TENM2: variants seen among roughly 807,000 people sequenced by gnomAD.
TENM2 encodes the protein teneurin transmembrane protein 2.
TENM2 carries 52 observed loss-of-function variants against 245.2 expected under a neutral mutation model. The observed-to-expected ratio is 0.21, with a 90% CI of 0.17 to 0.27. TENM2 has a LOEUF of 0.27. Among genes scored for constraint, TENM2 ranks in the 10% least tolerant of loss-of-function variants. TENM2 has a pLI of 1.00. For synonymous variants in TENM2, 1,363 were observed against 1,438.9 expected (o/e 0.95, Z 1.19); for missense variants, 3,046 against 3,666.8 (o/e 0.83, Z 4.37).
At chr5:167,765,301 C>T (rs891269536) in intron 2 of TENM2, among the ~76,000 whole-genome samples, 36 of 152,104 alleles carry the variant, frequency 2.4e-4, no homozygotes, top group African/African-American at 7.5e-4. Flanking sequence ...TGTTTCTTTC[C>T]GTTTACAAAT....
intron 2 of TENM2, among the ~76,000 whole-genome samples, chr5:167,603,398 C>A (rs748181835): frequency 1.3e-5 from 2 of 152,150 alleles, no homozygotes; most frequent in Admixed American, 6.6e-5. Flanking sequence ...TAAAAATATT[C>A]TTGGCTGGGC....
chr5:168,170,139 T>C (rs1758671806), intron 13 of TENM2, among the ~76,000 whole-genome samples: 1 of 152,212 alleles, frequency 6.6e-6, no homozygotes, highest in African/African-American at 2.4e-5. Flanking sequence ...CATATTTGAC[T>C]AGAGAATCTT....
intron 2 of TENM2, among the ~76,000 whole-genome samples, chr5:167,727,513 A>G (rs1448904025): frequency 6.6e-6 from 1 of 152,098 alleles, no homozygotes; most frequent in Non-Finnish European, 1.5e-5. Flanking sequence ...TACATCTGCA[A>G]TTTTTCAGCT....
At chr5:167,649,599 A>G (rs1395243855) in intron 2 of TENM2, among the ~76,000 whole-genome samples, 1 of 152,168 alleles carries the variant, frequency 6.6e-6, no homozygotes, top group East Asian at 1.9e-4. Flanking sequence ...TTTCATTTTA[A>G]TTGCACATGA....
At chr5:167,272,338 G>A in the TENM2 span, among the ~76,000 whole-genome samples, 1 of 152,142 alleles carries the variant, frequency 6.6e-6, no homozygotes, top group Non-Finnish European at 1.5e-5. Context: ...AAAGGATAAA[G>A]GCACCGTGCA....
In TENM2 at chr5:167,640,511, G is replaced by A. The variant is rs1018627513; in HGVS notation, c.503-235475G>A. Among the ~76,000 whole-genome samples the A allele has an allele frequency of 5.3e-5, 8 of 151,726 alleles. No individual in the cohort carries two copies. In the South Asian group the frequency reaches 8.4e-4, roughly 16 times the overall value. ...CACATGCCTGTAATTCCAGCTACTCGGGAGGCTGAGGCAGGAGAATTGCTT... is the reference window on the plus strand; with the variant it reads ...CACATGCCTGTAATTCCAGCTACTCAGGAGGCTGAGGCAGGAGAATTGCTT... On this transcript the variant is annotated intron_variant, in intron 2 of 28. Coordinates refer to ENST00000518659, the Ensembl canonical transcript of TENM2.
intron 5 of TENM2, among the ~76,000 whole-genome samples, chr5:168,038,441 T>G (rs1332650104): frequency 6.6e-6 from 1 of 152,160 alleles, no homozygotes; most frequent in Non-Finnish European, 1.5e-5. Flanking sequence ...TAAAACCAGC[T>G]GCCCCACCTA....
chr5:167,146,602 T>C, the TENM2 span, among the ~76,000 whole-genome samples: 1 of 152,166 alleles, frequency 6.6e-6, no homozygotes, highest in African/African-American at 2.4e-5. Flanking sequence ...CTCAAATCTA[T>C]ACTTACCAAC....
intron 2 of TENM2, among the ~76,000 whole-genome samples, chr5:167,450,530 GGTA>G (rs1185414260): frequency 6.6e-6 from 1 of 151,578 alleles, no homozygotes; most frequent in East Asian, 1.9e-4. Context: ...ATTCATGGTG[GGTA>G]TATATAGAAA....
At chr5:167,724,610 T>C (rs1759862774) in intron 2 of TENM2, among the ~76,000 whole-genome samples, 1 of 152,000 alleles carries the variant, frequency 6.6e-6, no homozygotes, top group South Asian at 2.1e-4. Flanking sequence ...ATCAAAGAAA[T>C]AGGCCCAGGG....
intron 7 of TENM2, among the ~76,000 whole-genome samples, chr5:168,086,872 A>C (rs1792505429): frequency 6.6e-6 from 1 of 152,192 alleles, no homozygotes. Flanking sequence ...GCTTTTGGAA[A>C]ATGCTCTCCT....
chr5:167,415,683 A>G (rs893061038), intron 2 of TENM2, among the ~76,000 whole-genome samples: 11 of 152,186 alleles, frequency 7.2e-5, no homozygotes, highest in African/African-American at 2.6e-4. Flanking sequence ...AAAAAAAAGT[A>G]CTGATTTTGA....
intron 19 of TENM2, among the ~76,000 whole-genome samples, chr5:168,207,018 G>T (rs1762401685): frequency 6.6e-6 from 1 of 152,116 alleles, no homozygotes; most frequent in Non-Finnish European, 1.5e-5. Flanking sequence ...GCAAGGCCCA[G>T]TGTCAGGGCC....
chr5:167,959,281 G>A (rs10061915), intron 4 of TENM2, among the ~76,000 whole-genome samples: 18,685 of 149,280 alleles, frequency 0.13, 1,722 homozygotes, highest in African/African-American at 0.25. Flanking sequence ...TGCAAGCTCC[G>A]CCTCCCAGGT....
intron 1 of TENM2, among the ~76,000 whole-genome samples, chr5:167,341,847 G>C (rs1180806159): frequency 6.6e-6 from 1 of 152,082 alleles, no homozygotes; most frequent in Admixed American, 6.5e-5. Flanking sequence ...ATTAAGGAGA[G>C]AAAAAATAAG....
At chr5:167,053,766 A>G in the TENM2 span, among the ~76,000 whole-genome samples, 1 of 152,158 alleles carries the variant, frequency 6.6e-6, no homozygotes, top group Non-Finnish European at 1.5e-5. Context: ...ACTTTACACA[A>G]CAGGGTATTT....
chr5:167,410,171 A>T (rs1203421087), intron 2 of TENM2, among the ~76,000 whole-genome samples: 1 of 151,970 alleles, frequency 6.6e-6, no homozygotes, highest in African/African-American at 2.4e-5. Flanking sequence ...CCAAGATATA[A>T]TGTCAGATCT....
At chr5:167,016,009 C>T in the TENM2 span, among the ~76,000 whole-genome samples, 2 of 152,040 alleles carry the variant, frequency 1.3e-5, no homozygotes, top group African/African-American at 4.8e-5. Context: ...AATCCCAGCA[C>T]TTTGGGAGGC....
the TENM2 span, among the ~76,000 whole-genome samples, chr5:167,041,655 TG>T: frequency 1.6e-4 from 24 of 152,228 alleles, no homozygotes; most frequent in Non-Finnish European, 3.1e-4. Context: ...AGCACATGCA[TG>T]AAATTATGCA....
Sources: gnomAD v4.1 joint callset for allele counts (sites outside exome capture counted in the v4.1 genomes callset) on GRCh38, gnomAD v4.1.1 for gene constraint, MANE v1.5 for transcripts, NCBI Gene and HGNC (gene_info 2026-07-23, HGNC 2026-07-21) for gene names.